ST8SIA6: variants seen among roughly 807,000 people sequenced by gnomAD.
ST8SIA6 encodes the protein alpha-2,8-sialyltransferase 8F.
A neutral mutation model predicts 33.6 loss-of-function variants in ST8SIA6; 39 were observed. The observed-to-expected ratio is 1.16, with a 90% confidence interval of 0.90 to 1.52. The LOEUF is 1.52. Among genes scored for constraint, ST8SIA6 ranks in the 40% most tolerant of loss-of-function variants. The probability of loss-of-function intolerance (pLI) is 0.00; values close to 1 mark genes in which losing one functional copy is unlikely to be tolerated. For missense variants in ST8SIA6, 441 were observed against 443.8 expected (o/e 0.99, Z 0.06); for synonymous variants, 172 against 167.2 (o/e 1.03, Z -0.22).
chr10:17,395,907 TG>T, intron 2 of ST8SIA6, among the ~76,000 whole-genome samples: 1 of 151,994 alleles, frequency 6.6e-6, no homozygotes, highest in East Asian at 1.9e-4. Context: ...CAGAATTAGC[TG>T]AAATAGAAAA....
At chr10:17,356,878 A>G (rs1005519660) in intron 4 of ST8SIA6, among the ~76,000 whole-genome samples, 1 of 152,074 alleles carries the variant, frequency 6.6e-6, no homozygotes, top group African/African-American at 2.4e-5. Flanking sequence ...ACATCTCTGG[A>G]TTTGAAGAGA....
chr10:17,350,345 A>G (rs554361012), intron 4 of ST8SIA6, among the ~76,000 whole-genome samples: 2 of 152,228 alleles, frequency 1.3e-5, no homozygotes, highest in Non-Finnish European at 2.9e-5. Flanking sequence ...GCATGCTGAC[A>G]TACTGTGATT....
At chr10:17,418,116 T>G (rs1308654557) in intron 2 of ST8SIA6, among the ~76,000 whole-genome samples, 1 of 152,182 alleles carries the variant, frequency 6.6e-6, no homozygotes, top group African/African-American at 2.4e-5. Flanking sequence ...TGGAGTACAG[T>G]AGTGCGATCA....
At chr10:17,333,793 C>A (rs1293879742) in intron 4 of ST8SIA6, among the ~76,000 whole-genome samples, 10 of 131,572 alleles carry the variant, frequency 7.6e-5, no homozygotes, top group Middle Eastern at 5.4e-3. Context: ...ACAATTTCAG[C>A]TCACTGCAAA....
chr10:17,348,765 T>C (rs1265030728), intron 4 of ST8SIA6, among the ~76,000 whole-genome samples: 1 of 152,228 alleles, frequency 6.6e-6, no homozygotes, highest in Non-Finnish European at 1.5e-5. Context: ...GAACTGCTTT[T>C]GGCTTCTGGC....
At chr10:17,423,744 C>T (rs752047507) in intron 2 of ST8SIA6, among the ~76,000 whole-genome samples, 2 of 152,180 alleles carry the variant, frequency 1.3e-5, no homozygotes, top group African/African-American at 2.4e-5. Flanking sequence ...TCACTTGTTC[C>T]AGTGCAGTCA....
At position 17,427,730 on chromosome 10, in the gene ST8SIA6, G is replaced by A. The variant is rs193235915; in HGVS notation, c.200+25829C>T. ...TTCTCCAGGGACAGTATGACAAGGGGTTTCCAAAAAAGACAATATTGAGAA... is the reference window on the plus strand; with the variant it reads ...TTCTCCAGGGACAGTATGACAAGGGATTTCCAAAAAAGACAATATTGAGAA... On this transcript the variant is annotated intron_variant, in intron 2 of 7. Coordinates refer to ENST00000377602, the MANE Select transcript of ST8SIA6 (RefSeq NM_001004470.3). 7.2e-5 allele frequency among the ~76,000 whole-genome samples: 11 copies of A among 152,322 alleles called. No individual in the cohort carries two copies. The East Asian group carries it at 2.1e-3, about 29-fold the overall frequency.
At chr10:17,362,131 C>T (rs1232624462) in intron 3 of ST8SIA6, among the ~76,000 whole-genome samples, 1 of 152,116 alleles carries the variant, frequency 6.6e-6, no homozygotes, top group African/African-American at 2.4e-5. Context: ...CATCTCTATT[C>T]CACATTGTAT....
chr10:17,430,052 C>G (rs1852056036), intron 2 of ST8SIA6, among the ~76,000 whole-genome samples: 1 of 152,146 alleles, frequency 6.6e-6, no homozygotes, highest in South Asian at 2.1e-4. Flanking sequence ...GCCCTCCTCC[C>G]ATCTTCCCCT....
At chr10:17,322,723 A>G (rs1304464576) in intron 7 of ST8SIA6, among the ~76,000 whole-genome samples, 2 of 152,210 alleles carry the variant, frequency 1.3e-5, no homozygotes, top group Non-Finnish European at 1.5e-5. Flanking sequence ...TAAATAGAGT[A>G]AGTTTTATCA....
rs1413413057 is a variant in ST8SIA6, at chr10:17,316,068, T to C, written c.*4810A>G. On this transcript the variant is annotated 3_prime_UTR_variant, in exon 8 of 8. Transcript: ENST00000377602. ...ATATTTATTTATGTAGTAGTAAGAA[T>C]ATCATATGTGAGTATAAGAATATAT... Among the ~76,000 whole-genome samples, 2 of 152,022 alleles carry C rather than the reference T, an allele frequency of 1.3e-5. No homozygotes were observed. Among genetic ancestry groups the C allele is most frequent in the Non-Finnish European group, 2.9e-5 (2 of 67,910 alleles).
chr10:17,368,654 C>G (rs781432069), intron 3 of ST8SIA6, among the ~76,000 whole-genome samples: 3 of 151,936 alleles, frequency 2.0e-5, no homozygotes, highest in Non-Finnish European at 2.9e-5. Context: ...GGTAATTGAG[C>G]AAATACTTGA....
At chr10:17,343,227 G>T (rs1183137695) in intron 4 of ST8SIA6, among the ~76,000 whole-genome samples, 3 of 152,164 alleles carry the variant, frequency 2.0e-5, no homozygotes, top group Admixed American at 1.3e-4. Context: ...GGTAACAAAG[G>T]TGAACAACGG....
intron 2 of ST8SIA6, among the ~76,000 whole-genome samples, chr10:17,393,275 G>A (rs1410743173): frequency 6.6e-6 from 1 of 152,194 alleles, no homozygotes; most frequent in Non-Finnish European, 1.5e-5. Context: ...CTTGGAGAAG[G>A]CAGGTCATGG....
chr10:17,343,587 A>T (rs1449534027), intron 4 of ST8SIA6, among the ~76,000 whole-genome samples: 3 of 152,312 alleles, frequency 2.0e-5, no homozygotes, highest in African/African-American at 7.2e-5. Flanking sequence ...AAAACAGAGG[A>T]GGAAAGAAAA....
chr10:17,321,099 T>G lies in ST8SIA6; in HGVS notation c.976A>C (p.Met326Leu), dbSNP rs1293316462. The G allele has an allele frequency of 6.2e-7, 1 of 1,613,988 alleles. No homozygotes were observed. The highest frequency in any genetic ancestry group is 8.5e-7 in the Non-Finnish European group (1 of 1,179,988). Residue 326 changes from methionine to leucine, a missense_variant, in exon 8 of 8, where the codon ATG becomes CTG. Transcript: ENST00000377602. ...VTAYRLSTGLMITSVAVELCK... is the reference protein window; with the variant it reads ...VTAYRLSTGLLITSVAVELCK... ...AGTTCCACTGCAACACTTGTGATCA[T>G]CAAGCCGGTGGACAAGCGGTATGCA...
At chr10:17,342,522 G>A (rs1437221084) in intron 4 of ST8SIA6, among the ~76,000 whole-genome samples, 1 of 152,182 alleles carries the variant, frequency 6.6e-6, no homozygotes, top group African/African-American at 2.4e-5. Context: ...GGAGATCAGA[G>A]GGAAGAAAGC....
intron 2 of ST8SIA6, among the ~76,000 whole-genome samples, chr10:17,443,391 T>A (rs1300291152): frequency 6.6e-6 from 1 of 152,260 alleles, no homozygotes; most frequent in East Asian, 1.9e-4. Context: ...GAGACTTTAA[T>A]CATTTGCAAA....
chr10:17,404,919 A>G (rs1851197483), intron 2 of ST8SIA6, among the ~76,000 whole-genome samples: 1 of 152,188 alleles, frequency 6.6e-6, no homozygotes, highest in South Asian at 2.1e-4. Context: ...CATAACTGAT[A>G]ACAGTACAAA....
Sources: gnomAD v4.1 joint callset for allele counts (sites outside exome capture counted in the v4.1 genomes callset) on GRCh38, gnomAD v4.1.1 for gene constraint, MANE v1.5 for transcripts, NCBI Gene and HGNC (gene_info 2026-07-23, HGNC 2026-07-21) for gene names.